The following ACADS variants were observed in gnomAD, a reference collection of about 807,000 sequenced individuals.
ACADS encodes the protein short-chain specific acyl-CoA dehydrogenase, mitochondrial.
In ACADS, 28 loss-of-function variants were observed where a neutral mutation model predicts 46.8. The ratio of observed to expected loss-of-function variants is 0.60; its 90% CI spans 0.44 to 0.82. The LOEUF is 0.82. Among genes scored for constraint, ACADS ranks in the 40% least tolerant of loss-of-function variants. The pLI is 0.00. For synonymous variants in ACADS, 236 were observed against 237.7 expected, an observed-to-expected ratio of 0.99 and a Z score of 0.07; for missense variants, 528 against 578.0, an observed-to-expected ratio of 0.91 and a Z score of 0.89.
At position 120,739,158 on chromosome 12, in the gene ACADS, C is replaced by T; in HGVS notation, c.1048C>T (p.Leu350=). 2 of 1,613,062 alleles carry T rather than the reference C, an allele frequency of 1.2e-6. No individual in the cohort carries two copies. The highest frequency in any genetic ancestry group is 1.7e-6 in the Non-Finnish European group (2 of 1,180,008). ...PFIKEAAMAK[L]AASEAATAIS... ...TGTTTAGGAGGCAGCCATGGCCAAG[C>T]TGGCCGCCTCGGAGGCCGCGACCGC... The change falls in exon 9 of 10, where the codon CTG becomes TTG. Residue 350 remains leucine (L), a synonymous_variant. Coordinates refer to ENST00000242592, the MANE Select transcript of ACADS (RefSeq NM_000017.4).
At chr12:120,735,666 C>T (rs528887548) in intron 2 of ACADS, among the ~76,000 whole-genome samples, 10 of 152,066 alleles carry the variant, frequency 6.6e-5, no homozygotes, top group South Asian at 2.1e-4. Context: ...TTTGGGAGGC[C>T]GAGGTGGGTG....
At chr12:120,727,219 A>G (rs1883114791) in intron 2 of ACADS, 30 bp downstream of exon 2, 2 of 1,613,144 alleles carry the variant, frequency 1.2e-6, no homozygotes, top group African/African-American at 2.7e-5. Flanking sequence ...AGCCCACGAT[A>G]GTGGTCTGCC....
At chr12:120,730,609 C>T (rs1309319924) in intron 2 of ACADS, among the ~76,000 whole-genome samples, 1 of 152,116 alleles carries the variant, frequency 6.6e-6, no homozygotes, top group Non-Finnish European at 1.5e-5. Flanking sequence ...GACGTGTGAC[C>T]AAGCATTTTA....
Position 120,737,964 on chromosome 12 carries a change from C to T in ACADS, c.600C>T (p.Ser200=). The change falls in exon 5 of 10, where the codon AGC becomes AGT. Residue 200 remains serine, a synonymous_variant. Coordinates refer to ENST00000242592, the MANE Select transcript of ACADS (RefSeq NM_000017.4). ...WEASAAVVFA[S]TDRALQNKGI... is the part of the protein sequence containing the mutation. ...CTTCGGCTGCCGTGGTCTTTGCCAGCACGGACAGAGCCCTGCAAAACAAGG... is the reference window on the plus strand; with the variant it reads ...CTTCGGCTGCCGTGGTCTTTGCCAGTACGGACAGAGCCCTGCAAAACAAGG... 1.9e-6 allele frequency: 3 copies of T among 1,614,060 alleles called. No homozygotes were observed. The highest frequency in any genetic ancestry group is 2.5e-6 in the Non-Finnish European group (3 of 1,180,034).
rs777939247 is a variant in ACADS at position 120,738,844 on chromosome 12, G to T, written c.958G>T (p.Ala320Ser). ...GTTCAAGTTGGCAGACATGGCCCTG[G>T]CCCTGGAGAGTGCCCGGCTGCTGAC... Reference protein sequence around the residue: ...IQFKLADMALALESARLLTWR... With the variant: ...IQFKLADMALSLESARLLTWR... The change falls in exon 8 of 10, where the codon GCC (alanine) becomes TCC (serine). Residue 320 changes from alanine (A) to serine (S), a missense_variant. Physicochemically the swap from Ala to Ser is moderately conservative, Grantham distance 99. Transcript: ENST00000242592. The T allele has an allele frequency of 1.2e-6, 2 of 1,613,438 alleles. No individual in the cohort carries two copies. Among genetic ancestry groups the T allele is most frequent in the Admixed American group, 1.7e-5 (1 of 59,922 alleles).
In ACADS at chr12:120,739,179, A is replaced by C. The variant is rs1592941370; in HGVS notation, c.1069A>C (p.Thr357Pro). The C allele has an allele frequency of 6.2e-7, 1 of 1,612,952 alleles. No homozygotes were observed. The highest frequency in any genetic ancestry group is 1.1e-5 in the South Asian group (1 of 91,074). The change falls in exon 9 of 10, where the codon ACC (threonine) becomes CCC (proline). Residue 357 changes from threonine to proline, a missense_variant. Coordinates refer to ENST00000242592, the MANE Select transcript of ACADS (RefSeq NM_000017.4). ...CAAGCTGGCCGCCTCGGAGGCCGCG[A>C]CCGCCATCAGCCACCAGGTGAGTGT... ...MAKLAASEAA[T>P]AISHQAIQIL...
Position 120,739,629 on chromosome 12 carries a change from C to T in ACADS, c.*181C>T. ...GCCCTCCGACCATTGGCAGCTCCGC[C>T]TCTGGGCCTTTCCGCCTCCTCACCA... On this transcript the variant is annotated 3_prime_UTR_variant, in exon 10 of 10. Coordinates refer to ENST00000242592, the MANE Select transcript of ACADS (RefSeq NM_000017.4). The T allele has an allele frequency of 1.4e-6, 1 of 706,304 alleles. No homozygotes were observed. Among genetic ancestry groups the T allele is most frequent in the South Asian group, 1.9e-5 (1 of 52,898 alleles). 43.8% of individuals were successfully genotyped at this position (706,304 alleles called of 1,614,324 possible).
In ACADS at chr12:120,739,415, C is replaced by G. The variant is rs374043146; in HGVS notation, c.1206C>G (p.Ile402Met). The G allele has an allele frequency of 1.2e-6, 2 of 1,611,888 alleles. No homozygotes were observed. The highest frequency in any genetic ancestry group is 1.7e-6 in the Non-Finnish European group (2 of 1,179,866). ...EGTSEIQRLVIAGHLLRSYRS is the reference protein window; with the variant it reads ...EGTSEIQRLVMAGHLLRSYRS ...CCAGCGAAATCCAGCGGCTGGTGAT[C>G]GCCGGGCATCTGCTCAGGAGCTACC... is the stretch of plus-strand genomic sequence containing the variant. Residue 402 changes from isoleucine to methionine, a missense_variant, in exon 10 of 10, where the codon ATC becomes ATG. By Grantham distance (10) the Ile-to-Met change is conservative. Transcript: ENST00000242592.
chr12:120,728,858 C>T lies in ACADS; in HGVS notation c.210+1669C>T, dbSNP rs763914514. ...AAAACATTGTTTTTATATGAGGGACCCACTAACCGTTTCCCAGATATGAAG... is the reference window on the plus strand; with the variant it reads ...AAAACATTGTTTTTATATGAGGGACTCACTAACCGTTTCCCAGATATGAAG... On this transcript the variant is annotated intron_variant, in intron 2 of 9. Transcript: ENST00000242592. The surrounding 1 kb of genome is among the most constrained non-coding windows in gnomAD (Gnocchi z 4.0). Among the ~76,000 whole-genome samples, 1 of 152,186 alleles carries T rather than the reference C, an allele frequency of 6.6e-6. No individual in the cohort carries two copies. Among genetic ancestry groups the T allele is most frequent in the African/African-American group, 2.4e-5 (1 of 41,450 alleles).
chr12:120,734,953 C>T (rs1468373734), intron 2 of ACADS, among the ~76,000 whole-genome samples: 4 of 150,900 alleles, frequency 2.7e-5, no homozygotes, highest in African/African-American at 4.9e-5. Flanking sequence ...GGTTTCACCA[C>T]GTTGGCCAGG....
Position 120,728,155 on chromosome 12 carries a change from C to T in ACADS, c.210+966C>T, listed in dbSNP as rs1883144756. Reference sequence around the variant, plus strand: ...AGAGATGGGGTTTCTCCATGTTGGGCAGGCTGGTCTCAAACTCCTGACCTT... The same window carrying T: ...AGAGATGGGGTTTCTCCATGTTGGGTAGGCTGGTCTCAAACTCCTGACCTT... On this transcript the variant is annotated intron_variant, in intron 2 of 9. Transcript: ENST00000242592. The surrounding 1 kb of genome is among the most constrained non-coding windows in gnomAD (Gnocchi z 4.0). 6.6e-6 allele frequency among the ~76,000 whole-genome samples: 1 copy of T among 152,058 alleles called. No homozygotes were observed. The highest frequency in any genetic ancestry group is 1.5e-5 in the Non-Finnish European group (1 of 68,012).
In ACADS at chr12:120,738,519, G is replaced by A. The variant is rs201420791; in HGVS notation, c.796-14G>A. 4.4e-6 allele frequency: 7 copies of A among 1,607,440 alleles called. No homozygotes were observed. Among genetic ancestry groups the A allele is most frequent in the East Asian group, 4.5e-5 (2 of 44,868 alleles). ...CCCCGGCTGGCGGGCCACTGACCAG[G>A]GCGGTCCCCACAGCAAACCCTGGAC... On this transcript the variant is annotated splice_polypyrimidine_tract_variant and intron_variant, in intron 6 of 9. Transcript: ENST00000242592.
At chr12:120,737,598 G>A (rs2136948868) in intron 4 of ACADS, 131 bp downstream of exon 4, 2 of 1,094,538 alleles carry the variant, frequency 1.8e-6, no homozygotes, top group African/African-American at 1.5e-5. Context: ...TAGGGTGAGC[G>A]CTCTTGCCAC....
In ACADS at chr12:120,728,891, G is replaced by A. The variant is rs1331573478; in HGVS notation, c.210+1702G>A. Reference sequence around the variant, plus strand: ...CGTTTCCCAGATATGAAGGCAGCAGGTGCTGCAGGCTTGCCTTGTCTGTCA... The same window carrying A: ...CGTTTCCCAGATATGAAGGCAGCAGATGCTGCAGGCTTGCCTTGTCTGTCA... On this transcript the variant is annotated intron_variant, in intron 2 of 9. Transcript: ENST00000242592. This position sits in a 1 kb window ranked among gnomAD's most constrained non-coding sequence, Gnocchi z 4.0. Among the ~76,000 whole-genome samples, 1 of 152,262 alleles carries A rather than the reference G, an allele frequency of 6.6e-6. No individual in the cohort carries two copies. Among genetic ancestry groups the A allele is most frequent in the East Asian group, 1.9e-4 (1 of 5,208 alleles).
Position 120,738,960 on chromosome 12 carries a change from C to A in ACADS, c.1029+45C>A, listed in dbSNP as rs377672631. On this transcript the variant is annotated intron_variant, in intron 8 of 9. Coordinates refer to ENST00000242592, the MANE Select transcript of ACADS (RefSeq NM_000017.4). The stretch of plus-strand genomic sequence containing the variant: ...AGCCATGGCCCAGAATGTGGTGGGC[C>A]CAGGGACGGGGAGAGGTTGGGGCGG... 1.2e-5 allele frequency: 20 copies of A among 1,609,832 alleles called. No individual in the cohort carries two copies. In the East Asian group the frequency reaches 1.3e-4, roughly 11 times the overall value.
chr12:120,729,258 C>CTTTTTT (rs137894149), intron 2 of ACADS, among the ~76,000 whole-genome samples: 3 of 123,096 alleles, frequency 2.4e-5, no homozygotes, highest in Admixed American at 8.4e-5. Context: ...TTTCTTTTTT[C>CTTTTTT]TTTTTTTTTT....
Position 120,726,016 on chromosome 12 carries a change from A to G in ACADS, c.46+85A>G, listed in dbSNP as rs965199431. ...AGGTCCTGGCGGCCGGCTCTGTCAG[A>G]GCCGCTGGCAGGCGGAGCCCCACTC... is the stretch of plus-strand genomic sequence containing the variant. On this transcript the variant is annotated intron_variant, in intron 1 of 9. Transcript: ENST00000242592. 45 of 1,351,546 alleles carry G rather than the reference A, an allele frequency of 3.3e-5. No homozygotes were observed. The African/African-American group carries it at 6.7e-4, about 20-fold the overall frequency. 83.7% of individuals were successfully genotyped at this position (1,351,546 alleles called of 1,614,324 possible).
chr12:120,733,940 G>C lies in ACADS; in HGVS notation c.211-3046G>C, dbSNP rs147904948. ...TCACGAGTTACTCAACCCGAGTCAG[G>C]CATCCAGTGTGGGTCCCACAGGGCT... On this transcript the variant is annotated intron_variant, in intron 2 of 9. Transcript: ENST00000242592. Among the ~76,000 whole-genome samples, 1,372 of 152,160 alleles carry C rather than the reference G, an allele frequency of 9.0e-3. 20 individuals are homozygous for C. The highest frequency in any genetic ancestry group is 0.032 in the African/African-American group (1,310 of 41,502).
Position 120,728,281 on chromosome 12 carries a change from A to G in ACADS, c.210+1092A>G, listed in dbSNP as rs1883150542. Among the ~76,000 whole-genome samples the G allele has an allele frequency of 6.6e-6, 1 of 151,834 alleles. No homozygotes were observed. Among genetic ancestry groups the G allele is most frequent in the Non-Finnish European group, 1.5e-5 (1 of 67,944 alleles). On this transcript the variant is annotated intron_variant, in intron 2 of 9. Transcript: ENST00000242592. The surrounding 1 kb of genome is among the most constrained non-coding windows in gnomAD (Gnocchi z 4.0). The stretch of plus-strand genomic sequence containing the variant: ...TGTTTTCTCCCCTGAGTTTCCCATC[A>G]GCGCGCTCCCTCCCGTGCCACTGTG...
Sources: allele counts gnomAD v4.1 joint callset (sites outside exome capture counted in the v4.1 genomes callset), GRCh38; gene constraint gnomAD v4.1.1; non-coding constraint Gnocchi (gnomAD v3.1); transcripts MANE v1.5; gene names NCBI Gene and HGNC (gene_info 2026-07-23, HGNC 2026-07-21).